CEP290: variants seen among roughly 807,000 people sequenced by gnomAD.
The protein encoded by CEP290 is centrosomal protein of 290 kDa.
CEP290 carries 317 observed loss-of-function variants against 344.9 expected under a neutral mutation model. That is an observed-to-expected ratio of 0.92 (90% CI 0.84 to 1.01). CEP290 has a LOEUF of 1.01. Among genes scored for constraint, CEP290 ranks in the 50% least tolerant of loss-of-function variants. The probability of loss-of-function intolerance (pLI) is 0.00; values close to 1 mark genes in which losing one functional copy is unlikely to be tolerated. For synonymous variants in CEP290, 932 were observed against 895.8 expected, an observed-to-expected ratio of 1.04 and a Z score of -0.72; for missense variants, 2,754 against 2,761.4, an observed-to-expected ratio of 1.00 and a Z score of 0.06.
intron 45 of CEP290, among the ~76,000 whole-genome samples, chr12:88,063,142 CA>C (rs11314427): frequency 0.8 from 103,317 of 129,706 alleles, 42,780 homozygotes; most frequent in East Asian, 0.95. Context: ...GAAGCAGTAC[CA>C]AAAAAAAAAA....
intron 44 of CEP290, among the ~76,000 whole-genome samples, chr12:88,064,321 C>T (rs2034725385): frequency 6.6e-6 from 1 of 151,930 alleles, no homozygotes; most frequent in Non-Finnish European, 1.5e-5. Context: ...GTTTTAATTA[C>T]AATGGAAGCA....
intron 53 of CEP290, chr12:88,050,106 A>G (rs996673299): frequency 6.4e-6 from 2 of 312,368 alleles, no homozygotes; most frequent in East Asian, 1.3e-4. Flanking sequence ...ACTTAAGAAC[A>G]TACTAATGGC....
Position 88,120,148 on chromosome 12 carries a change from G to T in CEP290, c.1488C>A (p.Phe496Leu). ...CTCTAAGTGCCTCATTTTCATCAAG[G>T]AAATCACTGATCTTCAATTCAAGTT... ...INKLELKISD[F>L]LDENEALRER... The change falls in exon 15 of 54, where the codon TTC becomes TTA. Residue 496 changes from phenylalanine to leucine, a missense_variant. Physicochemically the swap from Phe to Leu is conservative, Grantham distance 22. Transcript: ENST00000552810. The T allele has an allele frequency of 6.5e-7, 1 of 1,543,738 alleles. No individual in the cohort carries two copies. Among genetic ancestry groups the T allele is most frequent in the Non-Finnish European group, 8.7e-7 (1 of 1,143,074 alleles).
chr12:88,059,234 GA>G (rs1444867406), intron 48 of CEP290, among the ~76,000 whole-genome samples: 1 of 152,062 alleles, frequency 6.6e-6, no homozygotes, highest in Non-Finnish European at 1.5e-5. Flanking sequence ...GAGGTCAGAG[GA>G]ATATATTTAG....
chr12:88,049,152 T>C lies in CEP290; in HGVS notation c.*32A>G, dbSNP rs1415166892. ...ATATTTAACTTATAAAGTTAATAAATAGTTAAATGAAACAAAGTTTATAGG... is the reference window on the plus strand; with the variant it reads ...ATATTTAACTTATAAAGTTAATAAACAGTTAAATGAAACAAAGTTTATAGG... On this transcript the variant is annotated 3_prime_UTR_variant, in exon 54 of 54. Coordinates refer to ENST00000552810, the MANE Select transcript of CEP290 (RefSeq NM_025114.4). 7.9e-7 allele frequency: 1 copy of C among 1,272,100 alleles called. No individual in the cohort carries two copies. The highest frequency in any genetic ancestry group is 1.1e-6 in the Non-Finnish European group (1 of 902,496). The allele number at this position is 1,272,100 out of a possible 1,614,324, so 78.8% of individuals were successfully genotyped here. A position where few individuals can be genotyped will look rare whatever the true frequency, so the allele number is the denominator to read the frequency against.
chr12:88,126,466 A>G (rs757428596), intron 11 of CEP290, 28 bp from the exon 12 acceptor site: 23 of 1,417,034 alleles, frequency 1.6e-5, no homozygotes, highest in Non-Finnish European at 2.1e-5. Flanking sequence ...AGAATCTGTT[A>G]TGCAAAAGGA....
intron 26 of CEP290, among the ~76,000 whole-genome samples, chr12:88,102,273 AAATT>A (rs1319318276): frequency 6.6e-6 from 1 of 152,200 alleles, no homozygotes; most frequent in African/African-American, 2.4e-5. Flanking sequence ...TACATTAAAT[AAATT>A]TATTCTACAT....
chr12:88,087,781 T>A lies in CEP290; in HGVS notation c.4193A>T (p.Lys1398Met). 8.5e-7 allele frequency: 1 copy of A among 1,176,496 alleles called. No individual in the cohort carries two copies. Among genetic ancestry groups the A allele is most frequent in the Non-Finnish European group, 1.1e-6 (1 of 904,720 alleles). The allele number at this position is 1,176,496 out of a possible 1,614,324, so 72.9% of individuals were successfully genotyped here. The stretch of plus-strand genomic sequence containing the variant: ...AATGAAATAAATATAAAATAAAACC[T>A]TGTTCTGTTGCACAATTTCTTCTTC... ...SLEEEIVQQN[K>M]FHEERQMAWD... is the part of the protein sequence containing the mutation. Residue 1398 changes from lysine to methionine, a missense_variant and splice_region_variant, in exon 32 of 54, where the codon AAG (lysine) becomes ATG (methionine). Lys to Met is a moderately conservative substitution (Grantham distance 95). Transcript: ENST00000552810.
Position 88,111,858 on chromosome 12 carries a change from C to A in CEP290, c.2053G>T (p.Ala685Ser). 1 of 1,549,508 alleles carries A rather than the reference C, an allele frequency of 6.5e-7. No homozygotes were observed. Among genetic ancestry groups the A allele is most frequent in the Admixed American group, 2.0e-5 (1 of 50,506 alleles). Residue 685 changes from alanine (A) to serine (S), a missense_variant and splice_region_variant, in exon 21 of 54, where the codon GCT becomes TCT. Ala to Ser is a moderately conservative substitution (Grantham distance 99). Coordinates refer to ENST00000552810, the MANE Select transcript of CEP290 (RefSeq NM_025114.4). ...IIPSLERLVN[A>S]IESKNAEGIF... is the part of the protein sequence containing the mutation. ...CCTTCTGCATTCTTTGATTCTATAG[C>A]CTAGCAAATTTATATTATATATTAG...
chr12:88,137,906 T>C (rs1460754232), intron 5 of CEP290, among the ~76,000 whole-genome samples: 1 of 152,188 alleles, frequency 6.6e-6, no homozygotes, highest in Non-Finnish European at 1.5e-5. Flanking sequence ...GCTCTCCATC[T>C]TTACCTACTC....
chr12:88,077,785 T>C lies in CEP290; in HGVS notation c.5498A>G (p.Tyr1833Cys), dbSNP rs745527978. The change falls in exon 40 of 54, where the codon TAT (tyrosine) becomes TGT (cysteine). Residue 1833 changes from tyrosine to cysteine, a missense_variant. By Grantham distance (194) the Tyr-to-Cys change is radical. Coordinates refer to ENST00000552810, the MANE Select transcript of CEP290 (RefSeq NM_025114.4). ...NNELQKKQKA[Y>C]NKILREKEEI... The stretch of plus-strand genomic sequence containing the variant: ...CTCTTTCTCTCTAAGTATTTTATTA[T>C]AGGCTTTTTGTTTCTTTTGCAGTTC... The C allele has an allele frequency of 1.9e-6, 3 of 1,577,264 alleles. No homozygotes were observed. The highest frequency in any genetic ancestry group is 1.4e-5 in the African/African-American group (1 of 73,522).
rs2034577378 is a variant in CEP290 at position 88,062,754 on chromosome 12, T to A, written c.6295A>T (p.Met2099Leu). ...TTTTCTTTCTTAAGAAATTCACACA[T>A]TTCCTTCAAATCTCTGACTTGATTC... ...LKNQVRDLKE[M>L]CEFLKKEKAE... The change falls in exon 46 of 54, where the codon ATG (methionine) becomes TTG (leucine). Residue 2099 changes from methionine (M) to leucine (L), a missense_variant. Transcript: ENST00000552810. 1 of 1,589,580 alleles carries A rather than the reference T, an allele frequency of 6.3e-7. No individual in the cohort carries two copies. The highest frequency in any genetic ancestry group is 1.8e-5 in the Admixed American group (1 of 56,612).
rs1189187820 is a variant in CEP290 at position 88,089,306 on chromosome 12, G to A, written c.3755C>T (p.Ala1252Val). ...TGCTCTGTTTCTTCCCTCCAAACGA[G>A]CATAATAGAGAGCCTGTTCTTTTTC... ...LDEKEQALYY[A>V]RLEGRNRAKH... The change falls in exon 31 of 54, where the codon GCT becomes GTT. Residue 1252 changes from alanine to valine, a missense_variant. Ala to Val is a moderately conservative substitution (Grantham distance 64). Transcript: ENST00000552810. 1.9e-6 allele frequency: 3 copies of A among 1,613,784 alleles called. No homozygotes were observed. The highest frequency in any genetic ancestry group is 1.3e-5 in the African/African-American group (1 of 74,894).
intron 12 of CEP290, among the ~76,000 whole-genome samples, chr12:88,125,750 C>A (rs573627539): frequency 6.6e-6 from 1 of 152,100 alleles, no homozygotes; most frequent in Non-Finnish European, 1.5e-5. Flanking sequence ...TTTCCCCTTT[C>A]GTACTTTATT....
At position 88,092,673 on chromosome 12, in the gene CEP290, G is replaced by A. The variant is rs1370236429; in HGVS notation, c.3461+8C>T. The A allele has an allele frequency of 1.2e-6, 2 of 1,602,718 alleles. No individual in the cohort carries two copies. The highest frequency in any genetic ancestry group is 1.7e-4 in the Middle Eastern group (1 of 6,044). ...AGTCAAATGGCTAAAATGCTTATAT[G>A]CACTTACTTTGACACTTCAACTTTT... On this transcript the variant is annotated splice_region_variant and intron_variant, in intron 29 of 53. Transcript: ENST00000552810.
chr12:88,051,606 C>T (rs1368288297), intron 52 of CEP290: 2 of 152,184 alleles, frequency 1.3e-5, no homozygotes, highest in South Asian at 4.1e-4. Context: ...TGAAAAATGA[C>T]AGGTAATCTG....
chr12:88,090,825 G>T lies in CEP290; in HGVS notation c.3476C>A (p.Ser1159Tyr). 6.4e-7 allele frequency: 1 copy of T among 1,551,954 alleles called. No individual in the cohort carries two copies. Residue 1159 changes from serine (S) to tyrosine (Y), a missense_variant, in exon 30 of 54, where the codon TCT becomes TAT. Ser to Tyr is a moderately radical substitution (Grantham distance 144). Transcript: ENST00000552810. ...TTCAACTTGTCTTCTGGCAATATCA[G>T]AAATCTCTCTCAGTCTAGGAAATGA... Reference protein sequence around the residue: ...KVEVSKLREISDIARRQVEIL... With the variant: ...KVEVSKLREIYDIARRQVEIL...
At chr12:88,084,014 G>T in intron 35 of CEP290, 60 bp from the exon 36 acceptor site, 1 of 1,040,562 alleles carries the variant, frequency 9.6e-7, no homozygotes. Flanking sequence ...TTCACATTTT[G>T]AAGACCTTAT....
At position 88,103,170 on chromosome 12, in the gene CEP290, A is replaced by G. The variant is rs2038027949; in HGVS notation, c.2818-159T>C. 4 of 415,778 alleles carry G rather than the reference A, an allele frequency of 9.6e-6. No individual in the cohort carries two copies. In the East Asian group the frequency reaches 1.5e-4, roughly 16 times the overall value. 25.8% of individuals were successfully genotyped at this position (415,778 alleles called of 1,614,324 possible). ...TGTAAGAAAAACATGCATTAACATA[A>G]TTTCTTTCATATAAGAAATGTTACT... On this transcript the variant is annotated intron_variant, in intron 25 of 53. Transcript: ENST00000552810.
Sources: allele counts gnomAD v4.1 joint callset (sites outside exome capture counted in the v4.1 genomes callset), GRCh38; gene constraint gnomAD v4.1.1; transcripts MANE v1.5; gene names NCBI Gene and HGNC (gene_info 2026-07-23, HGNC 2026-07-21).